Variants in KANK1 observed in about 807,000 individuals in gnomAD.
KANK1 encodes the protein KN motif and ankyrin repeat domains 1.
In KANK1, 109 loss-of-function variants were observed where a neutral mutation model predicts 106.2. The ratio of observed to expected loss-of-function variants is 1.03; its 90% CI spans 0.88 to 1.20. The LOEUF (loss-of-function observed/expected upper bound fraction) is 1.20, where lower values mean the gene tolerates loss of function less well. Ranked by LOEUF, KANK1 falls within the 50% of genes most tolerant of loss-of-function variation. The probability of loss-of-function intolerance (pLI) is 0.00; values close to 1 mark genes in which losing one functional copy is unlikely to be tolerated. For synonymous variants in KANK1, 873 were observed against 652.2 expected (o/e 1.34, Z -5.16); for missense variants, 2,399 against 1,710.7 (o/e 1.40, Z -7.10).
intron 1 of KANK1, among the ~76,000 whole-genome samples, chr9:529,438 A>G (rs549670445): frequency 5.0e-4 from 75 of 150,308 alleles, no homozygotes; most frequent in African/African-American, 1.8e-3. Context: ...CGACCTCGTG[A>G]TCCACTTGCC....
At position 537,201 on chromosome 9, in the gene KANK1, G is replaced by A. The variant is rs547894300; in HGVS notation, c.-84+32447G>A. Among the ~76,000 whole-genome samples the A allele has an allele frequency of 3.0e-4, 46 of 152,250 alleles. 2 individuals carry two copies. The South Asian group carries it at 7.9e-3, about 26-fold the overall frequency. ...TCCTTTGAAAACAAAGCTAAGCTGC[G>A]TTGATGCTTGCACCTCTGCTCTTGC... On this transcript the variant is annotated intron_variant, in intron 1 of 11. Coordinates refer to ENST00000382297, the MANE Select transcript of KANK1 (RefSeq NM_015158.5).
At chr9:705,172 A>G (rs1351977932) in intron 2 of KANK1, among the ~76,000 whole-genome samples, 1 of 152,090 alleles carries the variant, frequency 6.6e-6, no homozygotes, top group Admixed American at 6.5e-5. Flanking sequence ...GAGCATCAAG[A>G]TGTTTTTCAA....
chr9:712,728 T>C lies in KANK1; in HGVS notation c.1962T>C (p.Ala654=). Residue 654 remains alanine (A), a synonymous_variant, in exon 3 of 12, where the codon GCT becomes GCC. Transcript: ENST00000382297. Reference sequence around the variant, plus strand: ...CCTCCCGGGGCGTGAACACTGAGGCTGTTAGCCAGGTGGAAGCTGCCGTCA... The same window carrying C: ...CCTCCCGGGGCGTGAACACTGAGGCCGTTAGCCAGGTGGAAGCTGCCGTCA... ...ECASRGVNTE[A]VSQVEAAVMA... 3 of 1,613,966 alleles carry C rather than the reference T, an allele frequency of 1.9e-6. No homozygotes were observed. Among genetic ancestry groups the C allele is most frequent in the Non-Finnish European group, 2.5e-6 (3 of 1,179,956 alleles).
intron 1 of KANK1, among the ~76,000 whole-genome samples, chr9:652,191 A>G (rs1841032213): frequency 6.6e-6 from 1 of 152,304 alleles, no homozygotes; most frequent in South Asian, 2.1e-4. Flanking sequence ...TTGGACAGGT[A>G]CAGAAAGCTA....
At chr9:619,191 G>T (rs967948296) in intron 1 of KANK1, among the ~76,000 whole-genome samples, 5 of 152,188 alleles carry the variant, frequency 3.3e-5, no homozygotes, top group African/African-American at 1.2e-4. Flanking sequence ...AGGAACAGGG[G>T]AGAGCTACAG....
intron 3 of KANK1, among the ~76,000 whole-genome samples, chr9:724,148 A>G (rs1564083361): frequency 6.6e-6 from 1 of 152,146 alleles, no homozygotes; most frequent in Non-Finnish European, 1.5e-5. Context: ...GGATTATGTG[A>G]TAATCATACT....
intron 1 of KANK1, among the ~76,000 whole-genome samples, chr9:587,135 A>G (rs1326568436): frequency 6.6e-6 from 1 of 152,206 alleles, no homozygotes; most frequent in African/African-American, 2.4e-5. Context: ...GCCTTACATA[A>G]TTAAGATAAC....
At chr9:508,241 C>T (rs149718480) in intron 1 of KANK1, among the ~76,000 whole-genome samples, 4,194 of 146,586 alleles carry the variant, frequency 0.029, 180 homozygotes, top group African/African-American at 0.098. Context: ...CGGGTTCAAG[C>T]GATTCTCTGC....
chr9:686,345 G>A (rs1289980918), intron 2 of KANK1, among the ~76,000 whole-genome samples: 1 of 152,184 alleles, frequency 6.6e-6, no homozygotes, highest in Non-Finnish European at 1.5e-5. Flanking sequence ...TTCCCCCTCA[G>A]CTGTGAGGAC....
intron 1 of KANK1, among the ~76,000 whole-genome samples, chr9:548,659 A>T (rs1045586433): frequency 6.6e-6 from 1 of 152,228 alleles, no homozygotes. Flanking sequence ...TTATGTGTGT[A>T]TAGAAAAAAT....
chr9:591,420 C>A (rs1025613856), intron 1 of KANK1, among the ~76,000 whole-genome samples: 1 of 151,758 alleles, frequency 6.6e-6, no homozygotes, highest in Non-Finnish European at 1.5e-5. Flanking sequence ...TGCCTGAGCT[C>A]GTCATGGCAT....
intron 1 of KANK1, among the ~76,000 whole-genome samples, chr9:533,322 G>T (rs1262175120): frequency 2.0e-5 from 3 of 152,142 alleles, no homozygotes; most frequent in Non-Finnish European, 4.4e-5. Context: ...GTTTAGATTT[G>T]CCAGTTTGTG....
chr9:701,924 T>G (rs1298501645), intron 2 of KANK1, among the ~76,000 whole-genome samples: 1 of 152,226 alleles, frequency 6.6e-6, no homozygotes, highest in African/African-American at 2.4e-5. Context: ...CATTTCACTT[T>G]GTTAATGCAG....
At chr9:602,335 C>G (rs966095411) in intron 1 of KANK1, among the ~76,000 whole-genome samples, 5 of 151,914 alleles carry the variant, frequency 3.3e-5, no homozygotes, top group African/African-American at 1.2e-4. Flanking sequence ...TCTTGGCTCA[C>G]TGCAACCTCC....
rs550630182 is a variant in KANK1 at position 645,630 on chromosome 9, C to G, written c.-83-31260C>G. ...GGCGTGGTGGCTCATGCCTGTAATC[C>G]CAGCACTTTGTGAGGCCAAGGTGGG... On this transcript the variant is annotated intron_variant, in intron 1 of 11. Transcript: ENST00000382297. Among the ~76,000 whole-genome samples the G allele has an allele frequency of 2.9e-4, 44 of 149,584 alleles. No homozygotes were observed. The East Asian group carries it at 7.6e-3, about 26-fold the overall frequency.
At chr9:595,469 C>T (rs900420050) in intron 1 of KANK1, among the ~76,000 whole-genome samples, 1 of 151,870 alleles carries the variant, frequency 6.6e-6, no homozygotes, top group African/African-American at 2.4e-5. Context: ...GCAAAATGAG[C>T]CTGCTGCGAT....
At chr9:499,569 G>A (rs1299141551) in intron 3 of KANK1, among the ~76,000 whole-genome samples, 1 of 152,122 alleles carries the variant, frequency 6.6e-6, no homozygotes, top group African/African-American at 2.4e-5. Flanking sequence ...TGCAGAGGGG[G>A]CTCCTGCAAA....
chr9:721,251 C>G (rs559599523), intron 3 of KANK1, among the ~76,000 whole-genome samples: 1 of 152,164 alleles, frequency 6.6e-6, no homozygotes. Context: ...CACTTTCTGA[C>G]AAGCTCAGGA....
intron 1 of KANK1, among the ~76,000 whole-genome samples, chr9:664,422 A>G (rs1405052190): frequency 6.6e-6 from 1 of 152,132 alleles, no homozygotes; most frequent in African/African-American, 2.4e-5. Context: ...ATGGCTGGAT[A>G]ATATTCTATT....
Sources: gnomAD v4.1 joint callset for allele counts (sites outside exome capture counted in the v4.1 genomes callset) on GRCh38, gnomAD v4.1.1 for gene constraint, MANE v1.5 for transcripts, NCBI Gene and HGNC (gene_info 2026-07-23, HGNC 2026-07-21) for gene names.